Variants in GALNT8 observed in about 807,000 individuals in gnomAD.
The protein encoded by GALNT8 is probable polypeptide N-acetylgalactosaminyltransferase 8.
Under a neutral mutation model 62.7 loss-of-function variants are expected in GALNT8, and 66 were observed. The observed-to-expected ratio is 1.05, with a 90% confidence interval of 0.86 to 1.29. GALNT8 has a LOEUF of 1.29. Among genes scored for constraint, GALNT8 ranks in the 50% most tolerant of loss-of-function variants. The probability of loss-of-function intolerance (pLI) is 0.00; values close to 1 mark genes in which losing one functional copy is unlikely to be tolerated. For missense variants in GALNT8, 771 were observed against 791.8 expected (o/e 0.97, Z 0.32); for synonymous variants, 288 against 294.3 (o/e 0.98, Z 0.22).
At chr12:4,728,884 CT>C (rs1195395826) in intron 2 of GALNT8, among the ~76,000 whole-genome samples, 19 of 152,240 alleles carry the variant, frequency 1.2e-4, no homozygotes, top group Admixed American at 1.1e-3. Context: ...TTGTCAATTT[CT>C]GCAAAGAAAC....
At position 4,763,533 on chromosome 12, in the gene GALNT8, A is replaced by G. The variant is rs530684652; in HGVS notation, c.1497+143A>G. ...TCAGCTCTTCGCCCTCAACCCTCTCAGTTTCCTTTTGTCCCTTGCTCCCCG... is the reference window on the plus strand; with the variant it reads ...TCAGCTCTTCGCCCTCAACCCTCTCGGTTTCCTTTTGTCCCTTGCTCCCCG... On this transcript the variant is annotated intron_variant, in intron 8 of 10. Transcript: ENST00000252318. 1.8e-4 allele frequency: 121 copies of G among 685,632 alleles called. 1 individual carries two copies. The East Asian group carries it at 3.0e-3, about 17-fold the overall frequency. The allele number at this position is 685,632 out of a possible 1,614,324, so 42.5% of individuals were successfully genotyped here.
At chr12:4,729,289 T>A (rs773163329) in intron 2 of GALNT8, among the ~76,000 whole-genome samples, 2 of 152,202 alleles carry the variant, frequency 1.3e-5, no homozygotes, top group African/African-American at 2.4e-5. Context: ...ATACTTAACA[T>A]CTAGTCTCTT....
intron 6 of GALNT8, among the ~76,000 whole-genome samples, chr12:4,758,621 TGTGTGTGTGTGTGTGTGAGAGAGAGA>T (rs1233160259): frequency 4.4e-5 from 4 of 90,348 alleles, no homozygotes; most frequent in African/African-American, 1.5e-4. Context: ...TGTGTGTGTG[TGTGTGTGTGTGTGTGTGAGAGAGAGA>T]GAGAGAGAGA....
chr12:4,764,772 T>C (rs1946391133), intron 9 of GALNT8, among the ~76,000 whole-genome samples: 1 of 151,206 alleles, frequency 6.6e-6, no homozygotes, highest in Non-Finnish European at 1.5e-5. Context: ...CAGGATGGTC[T>C]CGATCTCCTG....
chr12:4,744,494 A>T, intron 3 of GALNT8, 23 bp from the exon 4 acceptor site: 1 of 1,538,468 alleles, frequency 6.5e-7, no homozygotes, highest in Non-Finnish European at 8.9e-7. Context: ...CAGAATTTCT[A>T]TAGGTGTGCA....
chr12:4,772,417 C>T, intron 10 of GALNT8, 28 bp from the exon 11 acceptor site: 2 of 1,607,250 alleles, frequency 1.2e-6, no homozygotes, highest in South Asian at 1.1e-5. Context: ...CATTTCAGCA[C>T]CTTGGCTCTG....
chr12:4,736,818 A>G (rs576854823), intron 2 of GALNT8, among the ~76,000 whole-genome samples: 2 of 152,312 alleles, frequency 1.3e-5, no homozygotes, highest in African/African-American at 4.8e-5. Context: ...ATACAAAGAT[A>G]CAGGAAAGGG....
intron 2 of GALNT8, among the ~76,000 whole-genome samples, chr12:4,737,608 A>C (rs1946251438): frequency 6.6e-6 from 1 of 152,176 alleles, no homozygotes; most frequent in African/African-American, 2.4e-5. Flanking sequence ...TGATAGCCTA[A>C]CTGCTGTGGT....
chr12:4,752,860 G>C (rs903215169), intron 6 of GALNT8, among the ~76,000 whole-genome samples: 49 of 152,122 alleles, frequency 3.2e-4, no homozygotes, highest in Non-Finnish European at 2.6e-4. Context: ...GGATTGGTCT[G>C]GTGTTGATGA....
At chr12:4,766,614 G>C (rs189245357) in intron 10 of GALNT8, among the ~76,000 whole-genome samples, 1 of 152,064 alleles carries the variant, frequency 6.6e-6, no homozygotes, top group Non-Finnish European at 1.5e-5. Context: ...ATGATGACGC[G>C]AGGGTCTTGG....
intron 3 of GALNT8, among the ~76,000 whole-genome samples, chr12:4,742,135 C>T (rs940628307): frequency 3.9e-5 from 6 of 152,128 alleles, no homozygotes; most frequent in African/African-American, 9.7e-5. Context: ...TTAAATAATA[C>T]GTGTAAAGGC....
At chr12:4,744,144 A>G (rs1187840290) in intron 3 of GALNT8, among the ~76,000 whole-genome samples, 1 of 152,204 alleles carries the variant, frequency 6.6e-6, no homozygotes, top group South Asian at 2.1e-4. Flanking sequence ...AGCTATGAAG[A>G]TGTTCCAGGC....
At chr12:4,760,031 G>A (rs145938161) in intron 6 of GALNT8, among the ~76,000 whole-genome samples, 2 of 152,328 alleles carry the variant, frequency 1.3e-5, no homozygotes, top group East Asian at 3.9e-4. Context: ...ATCTATTGCT[G>A]TATAACGATG....
Position 4,726,740 on chromosome 12 carries a change from C to G in GALNT8, c.420C>G (p.Ala140=). The part of the protein sequence containing the change: ...EDLSEAQQKA[A]QDLFRKFGYN... ...TTTCTGAGGCCCAGCAGAAGGCGGC[C>G]CAGGACCTCTTCCGGAAGTTTGGTT... The change falls in exon 2 of 11, where the codon GCC becomes GCG. Residue 140 remains alanine, a synonymous_variant. Transcript: ENST00000252318. This position sits in a 1 kb window ranked among gnomAD's most constrained non-coding sequence, Gnocchi z 4.1. The G allele has an allele frequency of 6.2e-7, 1 of 1,613,968 alleles. No individual in the cohort carries two copies. Among genetic ancestry groups the G allele is most frequent in the Non-Finnish European group, 8.5e-7 (1 of 1,179,960 alleles).
Position 4,739,212 on chromosome 12 carries a change from C to T in GALNT8, c.559C>T (p.Leu187Phe), listed in dbSNP as rs1470189679. 1 of 1,612,796 alleles carries T rather than the reference C, an allele frequency of 6.2e-7. No individual in the cohort carries two copies. Among genetic ancestry groups the T allele is most frequent in the Non-Finnish European group, 8.5e-7 (1 of 1,178,790 alleles). The change falls in exon 3 of 11, where the codon CTC becomes TTC. Residue 187 changes from leucine to phenylalanine, a missense_variant. By Grantham distance (22) the Leu-to-Phe change is conservative. Transcript: ENST00000252318. ...CCAACTCCCATCCCTCAGTGTCATT[C>T]TCATATTCGTGAATGAAGCTCTGTC... is the stretch of plus-strand genomic sequence containing the variant. ...PSQLPSLSVI[L>F]IFVNEALSII...
chr12:4,735,548 A>C (rs549420789), intron 2 of GALNT8, among the ~76,000 whole-genome samples: 38 of 152,326 alleles, frequency 2.5e-4, no homozygotes, highest in African/African-American at 8.9e-4. Flanking sequence ...CTCTATGCCT[A>C]GTGGAGGTGA....
chr12:4,759,421 T>G (rs976226656), intron 6 of GALNT8, among the ~76,000 whole-genome samples: 1 of 150,766 alleles, frequency 6.6e-6, no homozygotes, highest in African/African-American at 2.4e-5. Context: ...GATGAATAAG[T>G]TGAGGGTCAA....
intron 7 of GALNT8, among the ~76,000 whole-genome samples, chr12:4,762,946 C>T (rs1285209140): frequency 6.6e-6 from 1 of 152,190 alleles, no homozygotes; most frequent in African/African-American, 2.4e-5. Flanking sequence ...GTACAGACAT[C>T]GGAAGTGAGG....
intron 10 of GALNT8, 133 bp from the exon 11 acceptor site, chr12:4,772,312 C>T: frequency 1.3e-6 from 1 of 751,580 alleles, no homozygotes; most frequent in South Asian, 1.7e-5. Flanking sequence ...TCCCTTTCTT[C>T]CCTGGATGAC....
Sources: allele counts gnomAD v4.1 joint callset (sites outside exome capture counted in the v4.1 genomes callset), GRCh38; gene constraint gnomAD v4.1.1; non-coding constraint Gnocchi (gnomAD v3.1); transcripts MANE v1.5; gene names NCBI Gene and HGNC (gene_info 2026-07-23, HGNC 2026-07-21).